ROBO1: variants seen among roughly 807,000 people sequenced by gnomAD.
ROBO1 encodes the protein roundabout guidance receptor 1, also known as roundabout homolog 1.
In ROBO1, 149 loss-of-function variants were observed where a neutral mutation model predicts 195.9. The ratio of observed to expected loss-of-function variants is 0.76; its 90% CI spans 0.67 to 0.87. ROBO1 has a LOEUF of 0.87. ROBO1 is among the 40% of genes least tolerant of loss of function. The pLI is 0.00. For missense variants in ROBO1, 1,933 were observed against 2,068.3 expected (o/e 0.93, Z 1.27); for synonymous variants, 816 against 733.2 (o/e 1.11, Z -1.82).
chr3:79,341,711 C>T (rs540874016), intron 2 of ROBO1, among the ~76,000 whole-genome samples: 8 of 152,090 alleles, frequency 5.3e-5, no homozygotes, highest in South Asian at 4.2e-4. Flanking sequence ...TTATATTAAA[C>T]GTTTAGCCCA....
At chr3:78,634,149 CCATT>C (rs1258548220) in intron 23 of ROBO1, 107 bp from the exon 24 acceptor site, 1 of 667,378 alleles carries the variant, frequency 1.5e-6, no homozygotes, top group Non-Finnish European at 2.5e-6. Flanking sequence ...ACAAATTGGA[CCATT>C]TATTTGCCTT....
At position 78,993,791 on chromosome 3, in the gene ROBO1, T is replaced by G. The variant is rs1300470470; in HGVS notation, c.173-54864A>C. 3.3e-5 allele frequency among the ~76,000 whole-genome samples: 5 copies of G among 152,162 alleles called. No individual in the cohort carries two copies. In the South Asian group the frequency reaches 1.0e-3, roughly 31 times the overall value. On this transcript the variant is annotated intron_variant, in intron 3 of 30. Transcript: ENST00000464233. Reference sequence around the variant, plus strand: ...CCAGGGCTTCCAAAGTGAAATCTATTCTACTTCTGTAAAAACAAGATGTTC... The same window carrying G: ...CCAGGGCTTCCAAAGTGAAATCTATGCTACTTCTGTAAAAACAAGATGTTC...
intron 3 of ROBO1, among the ~76,000 whole-genome samples, chr3:78,946,742 G>C (rs2040466697): frequency 6.6e-6 from 1 of 152,154 alleles, no homozygotes; most frequent in Admixed American, 6.5e-5. Flanking sequence ...TGGATAAAGA[G>C]TCAAGACCCA....
chr3:79,313,935 C>T (rs182711136), intron 2 of ROBO1, among the ~76,000 whole-genome samples: 28 of 152,224 alleles, frequency 1.8e-4, no homozygotes, highest in Admixed American at 1.8e-3. Context: ...TGAAGGAATA[C>T]ATGAGGGTAT....
chr3:79,251,986 A>AT, intron 2 of ROBO1, among the ~76,000 whole-genome samples: 1 of 151,584 alleles, frequency 6.6e-6, no homozygotes, highest in East Asian at 2.0e-4. Context: ...CAAAATCAAG[A>AT]TTTTCCTCAG....
At chr3:78,912,020 G>A (rs1205456114) in intron 4 of ROBO1, among the ~76,000 whole-genome samples, 1 of 151,970 alleles carries the variant, frequency 6.6e-6, no homozygotes, top group Non-Finnish European at 1.5e-5. Flanking sequence ...TGATGGTAAT[G>A]AACTAATAAT....
At chr3:79,491,447 A>T (rs1237511470) in intron 2 of ROBO1, among the ~76,000 whole-genome samples, 1 of 152,004 alleles carries the variant, frequency 6.6e-6, no homozygotes, top group African/African-American at 2.4e-5. Context: ...CAAATGGGGG[A>T]GCAGAAATAG....
intron 3 of ROBO1, among the ~76,000 whole-genome samples, chr3:79,122,104 CA>C (rs2080128679): frequency 1.3e-5 from 2 of 151,942 alleles, no homozygotes; most frequent in South Asian, 4.1e-4. Flanking sequence ...AAAGCCTCTT[CA>C]AAAAATCATT....
chr3:79,732,609 A>G (rs1027636752), intron 1 of ROBO1, among the ~76,000 whole-genome samples: 5 of 152,192 alleles, frequency 3.3e-5, no homozygotes, highest in East Asian at 3.9e-4. Flanking sequence ...TTGCCGCTCT[A>G]TGAAAATCTC....
intron 2 of ROBO1, among the ~76,000 whole-genome samples, chr3:79,328,046 A>C (rs2109157420): frequency 6.6e-6 from 1 of 152,314 alleles, no homozygotes; most frequent in African/African-American, 2.4e-5. Context: ...ATTTTCTCAA[A>C]ATTTTGCAAA....
rs909180913 is a variant in ROBO1 at position 79,143,946 on chromosome 3, G to A, written c.89-18407C>T. Reference sequence around the variant, plus strand: ...TTCTATAAATGAAATCATACAGTACGTAACTTTTTTGAGAATGACTTTTTT... The same window carrying A: ...TTCTATAAATGAAATCATACAGTACATAACTTTTTTGAGAATGACTTTTTT... On this transcript the variant is annotated intron_variant, in intron 2 of 30. Transcript: ENST00000464233. Among the ~76,000 whole-genome samples the A allele has an allele frequency of 5.3e-5, 8 of 151,622 alleles. No individual in the cohort carries two copies. The East Asian group carries it at 5.8e-4, about 11-fold the overall frequency.
At chr3:78,735,960 T>C (rs564448018) in intron 5 of ROBO1, among the ~76,000 whole-genome samples, 33 of 152,154 alleles carry the variant, frequency 2.2e-4, no homozygotes, top group Admixed American at 1.2e-3. Context: ...ACCTTGCCTA[T>C]TCACAATCTC....
intron 2 of ROBO1, among the ~76,000 whole-genome samples, chr3:79,566,917 A>G (rs1943108781): frequency 6.6e-6 from 1 of 152,092 alleles, no homozygotes; most frequent in Non-Finnish European, 1.5e-5. Flanking sequence ...TCAACCCGGC[A>G]ATCCCATTAC....
chr3:79,713,501 C>T (rs901555900), intron 1 of ROBO1, among the ~76,000 whole-genome samples: 1 of 151,990 alleles, frequency 6.6e-6, no homozygotes, highest in South Asian at 2.1e-4. Flanking sequence ...AGAGTTTAAG[C>T]CTTCATTGGA....
In ROBO1 at chr3:79,584,634, TG is replaced by T. The variant is rs1219100022; in HGVS notation, c.88+5189del. 5.6e-5 allele frequency among the ~76,000 whole-genome samples: 8 copies of T among 142,612 alleles called. No individual in the cohort carries two copies. In the East Asian group the frequency reaches 1.6e-3, roughly 29 times the overall value. 93.6% of individuals were successfully genotyped at this position (142,612 alleles called of 152,430 possible). A position where few individuals can be genotyped will look rare whatever the true frequency, so the allele number is the denominator to read the frequency against. On this transcript the variant is annotated intron_variant, in intron 2 of 30. Transcript: ENST00000464233. The stretch of plus-strand genomic sequence containing the variant: ...GAGTGTGTGTGTGTGTGTGTGTGTG[TG>T]TGTATGTTCATACACACACACACAC...
chr3:79,262,821 T>C (rs2082966088), intron 2 of ROBO1, among the ~76,000 whole-genome samples: 2 of 152,062 alleles, frequency 1.3e-5, no homozygotes, highest in Non-Finnish European at 2.9e-5. Flanking sequence ...GGGAATTCCA[T>C]AGTGTGCTCA....
intron 1 of ROBO1, among the ~76,000 whole-genome samples, chr3:79,636,064 C>G (rs1028592491): frequency 1.3e-5 from 2 of 152,000 alleles, no homozygotes; most frequent in African/African-American, 4.8e-5. Flanking sequence ...GAAATCTTAA[C>G]TAATTTAGAA....
chr3:79,043,965 T>C (rs2108342140), intron 3 of ROBO1, among the ~76,000 whole-genome samples: 1 of 152,242 alleles, frequency 6.6e-6, no homozygotes, highest in Non-Finnish European at 1.5e-5. Flanking sequence ...ACAAATGTAA[T>C]TATTATATGG....
chr3:78,905,930 C>T (rs1265838697), intron 4 of ROBO1, among the ~76,000 whole-genome samples: 2 of 152,084 alleles, frequency 1.3e-5, no homozygotes, highest in African/African-American at 4.8e-5. Flanking sequence ...AGTGTTTAAA[C>T]CACTATGACA....
Sources: allele counts gnomAD v4.1 joint callset (sites outside exome capture counted in the v4.1 genomes callset), GRCh38; gene constraint gnomAD v4.1.1; transcripts MANE v1.5; gene names NCBI Gene and HGNC (gene_info 2026-07-23, HGNC 2026-07-21).